RASGRP3: variants seen among roughly 807,000 people sequenced by gnomAD.
The protein encoded by RASGRP3 is RAS guanyl releasing protein 3.
In RASGRP3, 54 loss-of-function variants were observed where a neutral mutation model predicts 82.7. The observed-to-expected ratio is 0.65, with a 90% confidence interval of 0.52 to 0.82. The LOEUF (loss-of-function observed/expected upper bound fraction) is 0.82. Ranked by LOEUF, RASGRP3 falls within the 40% of genes least tolerant of loss-of-function variation. The probability of loss-of-function intolerance (pLI) is 0.00; values close to 1 mark genes in which losing one functional copy is unlikely to be tolerated. For missense variants in RASGRP3, 861 were observed against 828.9 expected (o/e 1.04, Z -0.48); for synonymous variants, 309 against 300.5 (o/e 1.03, Z -0.29).
At chr2:33,498,056 G>A (rs1477245785) in intron 1 of RASGRP3, among the ~76,000 whole-genome samples, 2 of 150,302 alleles carry the variant, frequency 1.3e-5, no homozygotes, top group Middle Eastern at 3.2e-3. Context: ...TGCAAAATGG[G>A]TATATGTAGG....
intron 5 of RASGRP3, 130 bp from the exon 6 acceptor site, chr2:33,520,423 G>A: frequency 8.2e-7 from 1 of 1,215,376 alleles, no homozygotes; most frequent in South Asian, 1.5e-5. Flanking sequence ...ACAGGAGATG[G>A]CTAATTTGAA....
chr2:33,454,217 T>A (rs1181338328), intron 2 of RASGRP3, among the ~76,000 whole-genome samples: 1 of 152,212 alleles, frequency 6.6e-6, no homozygotes, highest in Non-Finnish European at 1.5e-5. Flanking sequence ...TGTCTTCTTC[T>A]TCTACTTTTT....
At chr2:33,529,533 T>A (rs925594869) in intron 10 of RASGRP3, among the ~76,000 whole-genome samples, 3 of 129,878 alleles carry the variant, frequency 2.3e-5, no homozygotes, top group Non-Finnish European at 5.0e-5. Flanking sequence ...ATCTGAACTC[T>A]AGAAATAAAG....
chr2:33,520,052 G>T (rs1671873210), intron 5 of RASGRP3, 38 bp downstream of exon 5: 1 of 1,497,152 alleles, frequency 6.7e-7, no homozygotes, highest in Non-Finnish European at 9.1e-7. Flanking sequence ...TGTAGTTTCT[G>T]GTTCTGGAAT....
intron 2 of RASGRP3, among the ~76,000 whole-genome samples, chr2:33,448,329 T>TA (rs578258564): frequency 8.6e-5 from 13 of 151,914 alleles, no homozygotes; most frequent in African/African-American, 3.1e-4. Context: ...TTTTGTGCTT[T>TA]AAAAAAAACT....
chr2:33,541,688 C>A (rs1462408429), intron 12 of RASGRP3, among the ~76,000 whole-genome samples: 7 of 146,984 alleles, frequency 4.8e-5, no homozygotes, highest in African/African-American at 1.7e-4. Context: ...TTGGTGATTG[C>A]CTGTTTGACT....
chr2:33,467,426 A>G (rs749731770), intron 2 of RASGRP3, among the ~76,000 whole-genome samples: 3 of 152,194 alleles, frequency 2.0e-5, no homozygotes, highest in Non-Finnish European at 4.4e-5. Context: ...GGGTAGAGAA[A>G]TCTCCCATGA....
At chr2:33,462,030 G>A (rs1310520690) in intron 2 of RASGRP3, among the ~76,000 whole-genome samples, 1 of 152,172 alleles carries the variant, frequency 6.6e-6, no homozygotes, top group East Asian at 1.9e-4. Flanking sequence ...TTAAAGTGAA[G>A]AGCAAAAGCG....
intron 1 of RASGRP3, among the ~76,000 whole-genome samples, chr2:33,437,131 C>A (rs1241651296): frequency 1.3e-5 from 2 of 152,252 alleles, no homozygotes; most frequent in East Asian, 3.9e-4. Flanking sequence ...AATGGAGAAT[C>A]TTCTAGAACC....
At chr2:33,534,875 C>T (rs186882191) in intron 11 of RASGRP3, among the ~76,000 whole-genome samples, 17 of 152,084 alleles carry the variant, frequency 1.1e-4, no homozygotes, top group Non-Finnish European at 2.9e-5. Context: ...CAGCTTAGCC[C>T]TGTCAGTTTG....
chr2:33,486,463 T>A (rs898618791), intron 1 of RASGRP3, among the ~76,000 whole-genome samples: 2 of 151,196 alleles, frequency 1.3e-5, no homozygotes, highest in African/African-American at 4.9e-5. Context: ...CCACTGCTCC[T>A]GGCCTCACTT....
At chr2:33,538,188 T>C (rs1347922718) in intron 11 of RASGRP3, among the ~76,000 whole-genome samples, 2 of 152,192 alleles carry the variant, frequency 1.3e-5, no homozygotes, top group African/African-American at 2.4e-5. Flanking sequence ...TGGGAGCGCA[T>C]TGCTTTTTTC....
At chr2:33,516,100 C>T (rs572261530) in intron 3 of RASGRP3, among the ~76,000 whole-genome samples, 8 of 152,154 alleles carry the variant, frequency 5.3e-5, no homozygotes, top group East Asian at 1.9e-4. Flanking sequence ...AAATACTAGC[C>T]GAAGTAGGAG....
At chr2:33,548,047 T>C (rs1424112766) in intron 13 of RASGRP3, among the ~76,000 whole-genome samples, 1 of 152,148 alleles carries the variant, frequency 6.6e-6, no homozygotes, top group Non-Finnish European at 1.5e-5. Flanking sequence ...GTTTCTCTTT[T>C]TGAAAACTTC....
In RASGRP3 at chr2:33,503,017, C is replaced by T. The variant is rs894883304; in HGVS notation, c.-260-8693C>T. Among the ~76,000 whole-genome samples, 5 of 152,284 alleles carry T rather than the reference C, an allele frequency of 3.3e-5. No individual in the cohort carries two copies. In the South Asian group the frequency reaches 6.2e-4, roughly 19 times the overall value. On this transcript the variant is annotated intron_variant, in intron 1 of 17. Coordinates refer to ENST00000403687, the MANE Select transcript of RASGRP3 (RefSeq NM_001139488.2). ...AACCTCTAAAATTCTTAAGAACTCCCAAAGTTCTCTTTTAGCATTTTGACA... is the reference window on the plus strand; with the variant it reads ...AACCTCTAAAATTCTTAAGAACTCCTAAAGTTCTCTTTTAGCATTTTGACA...
At chr2:33,487,706 T>G (rs1668515878) in intron 1 of RASGRP3, among the ~76,000 whole-genome samples, 1 of 152,306 alleles carries the variant, frequency 6.6e-6, no homozygotes, top group Non-Finnish European at 1.5e-5. Context: ...GTCCAGAAGT[T>G]TGAAGCCAGT....
At chr2:33,451,846 C>G (rs1055565866) in intron 2 of RASGRP3, among the ~76,000 whole-genome samples, 4 of 152,048 alleles carry the variant, frequency 2.6e-5, no homozygotes, top group African/African-American at 9.7e-5. Flanking sequence ...TTGTGAATCC[C>G]CTAATGTATA....
chr2:33,495,116 C>T (rs566051651), intron 1 of RASGRP3, among the ~76,000 whole-genome samples: 1 of 152,214 alleles, frequency 6.6e-6, no homozygotes, highest in African/African-American at 2.4e-5. Context: ...GAAAGATCCT[C>T]CTTAGCTTTT....
intron 2 of RASGRP3, among the ~76,000 whole-genome samples, chr2:33,449,574 A>T (rs1385825522): frequency 2.0e-5 from 3 of 152,188 alleles, no homozygotes. Flanking sequence ...ATTGTGGCCA[A>T]CATGGTGAAA....
Sources: allele counts gnomAD v4.1 joint callset (sites outside exome capture counted in the v4.1 genomes callset), GRCh38; gene constraint gnomAD v4.1.1; transcripts MANE v1.5; gene names NCBI Gene and HGNC (gene_info 2026-07-23, HGNC 2026-07-21).